SCHIP1: variants seen among roughly 807,000 people sequenced by gnomAD.
The protein encoded by SCHIP1 is schwannomin interacting protein 1.
A neutral mutation model predicts 29.7 loss-of-function variants in SCHIP1; 8 were observed. The observed-to-expected ratio is 0.27, with a 90% confidence interval of 0.16 to 0.49. The LOEUF is 0.49. SCHIP1 is among the 20% of genes least tolerant of loss of function. SCHIP1 has a pLI of 0.99. For missense variants in SCHIP1, 193 were observed against 294.6 expected (o/e 0.66, Z 2.52); for synonymous variants, 76 against 94.9 (o/e 0.80, Z 1.16).
chr3:159,763,156 T>TGCG, the SCHIP1 span, among the ~76,000 whole-genome samples: 3 of 151,878 alleles, frequency 2.0e-5, no homozygotes, highest in Admixed American at 6.6e-5. Flanking sequence ...TGGAAGGGGA[T>TGCG]GCGGCGGCGG....
At chr3:159,871,820 A>G (rs77938926) in intron 2 of SCHIP1, among the ~76,000 whole-genome samples, 8,057 of 152,252 alleles carry the variant, frequency 0.053, 654 homozygotes, top group African/African-American at 0.18. Flanking sequence ...AGCATGCTCC[A>G]GTCTCAACCT....
the SCHIP1 span, among the ~76,000 whole-genome samples, chr3:159,491,945 T>G: frequency 1.3e-5 from 2 of 152,308 alleles, no homozygotes; most frequent in South Asian, 4.1e-4. Flanking sequence ...AGTTCATCAG[T>G]ATTCGCTGTT....
the SCHIP1 span, among the ~76,000 whole-genome samples, chr3:159,689,528 A>G: frequency 1.3e-5 from 2 of 152,246 alleles, no homozygotes; most frequent in Non-Finnish European, 2.9e-5. Context: ...TAAAAATACA[A>G]TCATGTCATC....
chr3:159,650,525 G>A, the SCHIP1 span, among the ~76,000 whole-genome samples: 1 of 152,094 alleles, frequency 6.6e-6, no homozygotes, highest in Non-Finnish European at 1.5e-5. Flanking sequence ...AATATTTGGG[G>A]AAGATTAATT....
At chr3:159,587,974 G>T in the SCHIP1 span, among the ~76,000 whole-genome samples, 3 of 152,118 alleles carry the variant, frequency 2.0e-5, no homozygotes, top group African/African-American at 7.2e-5. Flanking sequence ...AATCCTTTGG[G>T]TATATACCCA....
intron 1 of SCHIP1, chr3:159,853,241 C>G (rs895904064): frequency 5.9e-6 from 3 of 509,910 alleles, no homozygotes; most frequent in Non-Finnish European, 1.0e-5. Context: ...GGGGCAAGAA[C>G]ACACACGGCC....
At chr3:159,495,865 T>G in the SCHIP1 span, among the ~76,000 whole-genome samples, 1 of 152,152 alleles carries the variant, frequency 6.6e-6, no homozygotes, top group Admixed American at 6.5e-5. Context: ...ACTACAAGGC[T>G]ACAGTAACCA....
At chr3:159,660,765 G>A in the SCHIP1 span, among the ~76,000 whole-genome samples, 1 of 152,150 alleles carries the variant, frequency 6.6e-6, no homozygotes, top group African/African-American at 2.4e-5. Flanking sequence ...AAATCAATAG[G>A]TACTTGAGTC....
the SCHIP1 span, among the ~76,000 whole-genome samples, chr3:159,618,445 A>C: frequency 6.6e-6 from 1 of 150,894 alleles, no homozygotes; most frequent in East Asian, 2.0e-4. Context: ...TGAACTGTTT[A>C]GAAAACATAT....
chr3:159,541,687 A>G, the SCHIP1 span, among the ~76,000 whole-genome samples: 1 of 152,048 alleles, frequency 6.6e-6, no homozygotes, highest in African/African-American at 2.4e-5. Context: ...ATTAATTGAG[A>G]CAAGTCTGCA....
chr3:159,367,507 CG>C, the SCHIP1 span, among the ~76,000 whole-genome samples: 1 of 151,936 alleles, frequency 6.6e-6, no homozygotes, highest in Non-Finnish European at 1.5e-5. Flanking sequence ...TGTGAAATTC[CG>C]TGACTCATAT....
the SCHIP1 span, among the ~76,000 whole-genome samples, chr3:159,429,190 T>C: frequency 2.3e-5 from 3 of 132,934 alleles, no homozygotes; most frequent in African/African-American, 8.6e-5. Flanking sequence ...AAACTTAAAG[T>C]ATAATAATAA....
chr3:159,648,149 C>T, the SCHIP1 span, among the ~76,000 whole-genome samples: 1 of 152,172 alleles, frequency 6.6e-6, no homozygotes, highest in Admixed American at 6.5e-5. Context: ...ATCCCAGGCA[C>T]ACTCCTCTCT....
chr3:159,890,414 G>A (rs1175891445), intron 5 of SCHIP1, among the ~76,000 whole-genome samples: 1 of 152,164 alleles, frequency 6.6e-6, no homozygotes, highest in Non-Finnish European at 1.5e-5. Flanking sequence ...CTAAGTGACA[G>A]TATAAAAGGC....
the SCHIP1 span, among the ~76,000 whole-genome samples, chr3:159,442,066 T>C: frequency 1.1e-4 from 17 of 151,852 alleles, no homozygotes; most frequent in Admixed American, 9.2e-4. Context: ...GTCCAGAGAG[T>C]AGTGATTAGG....
chr3:159,525,576 T>C, the SCHIP1 span, among the ~76,000 whole-genome samples: 3 of 152,148 alleles, frequency 2.0e-5, no homozygotes, highest in Admixed American at 6.5e-5. Flanking sequence ...TCTTGGTGCA[T>C]TGAGAGAGCA....
chr3:159,292,997 A>G, the SCHIP1 span, among the ~76,000 whole-genome samples: 2 of 152,166 alleles, frequency 1.3e-5, no homozygotes, highest in African/African-American at 4.8e-5. Flanking sequence ...CTTTGCAATG[A>G]CCATGTTATC....
the SCHIP1 span, among the ~76,000 whole-genome samples, chr3:159,609,797 A>T: frequency 6.7e-6 from 1 of 149,160 alleles, no homozygotes; most frequent in East Asian, 1.9e-4. Flanking sequence ...TATTTTAGGT[A>T]TTTTTTTTTT....
chr3:159,602,268 T>G, the SCHIP1 span, among the ~76,000 whole-genome samples: 7 of 152,206 alleles, frequency 4.6e-5, no homozygotes, highest in Admixed American at 4.6e-4. Flanking sequence ...ACGAGTTTTT[T>G]GTTGGACTCT....
Sources: allele counts gnomAD v4.1 joint callset (sites outside exome capture counted in the v4.1 genomes callset), GRCh38; gene constraint gnomAD v4.1.1; transcripts MANE v1.5; gene names NCBI Gene and HGNC (gene_info 2026-07-23, HGNC 2026-07-21).